RNF216: variants seen among roughly 807,000 people sequenced by gnomAD.
The protein encoded by RNF216 is ring finger protein 216.
In RNF216, 72 loss-of-function variants were observed where a neutral mutation model predicts 110.8. The observed-to-expected ratio is 0.65, with a 90% confidence interval of 0.54 to 0.79. RNF216 has a LOEUF of 0.79. Among genes scored for constraint, RNF216 ranks in the 30% least tolerant of loss-of-function variants. The pLI is 0.00. For synonymous variants in RNF216, 495 were observed against 407.5 expected, an observed-to-expected ratio of 1.21 and a Z score of -2.59; for missense variants, 1,342 against 1,141.2, an observed-to-expected ratio of 1.18 and a Z score of -2.54.
chr7:5,766,345 G>A (rs918003383), intron 1 of RNF216, among the ~76,000 whole-genome samples: 4 of 152,128 alleles, frequency 2.6e-5, no homozygotes, highest in Non-Finnish European at 5.9e-5. Context: ...GATGAGTGAT[G>A]CTCTAAAGTG....
At chr7:5,646,157 A>T (rs946700903) in intron 14 of RNF216, among the ~76,000 whole-genome samples, 1 of 152,192 alleles carries the variant, frequency 6.6e-6, no homozygotes, top group African/African-American at 2.4e-5. Context: ...AGAGTCTAGA[A>T]ATCAGGTTGC....
chr7:5,711,665 C>T (rs1252708817), intron 13 of RNF216, 96 bp downstream of exon 13: 5 of 921,102 alleles, frequency 5.4e-6, no homozygotes, highest in South Asian at 1.5e-5. Flanking sequence ...CCTTCTTATA[C>T]ATCAGCAGTC....
intron 13 of RNF216, among the ~76,000 whole-genome samples, chr7:5,695,109 T>G (rs575681663): frequency 5.3e-4 from 81 of 152,168 alleles, no homozygotes; most frequent in Non-Finnish European, 1.0e-3. Context: ...GCCAAGAAGT[T>G]CAATGACTTC....
chr7:5,698,697 G>A (rs1483619603), intron 13 of RNF216, among the ~76,000 whole-genome samples: 1 of 152,048 alleles, frequency 6.6e-6, no homozygotes, highest in Non-Finnish European at 1.5e-5. Flanking sequence ...CCGGCCTCTT[G>A]GATTCTTCAT....
intron 9 of RNF216, among the ~76,000 whole-genome samples, chr7:5,718,310 G>A (rs981055956): frequency 7.2e-5 from 11 of 152,252 alleles, no homozygotes; most frequent in African/African-American, 2.6e-4. Context: ...GAACCCAGGA[G>A]TCAGACGTTG....
chr7:5,689,613 T>C (rs1244032390), intron 13 of RNF216, among the ~76,000 whole-genome samples: 1 of 152,150 alleles, frequency 6.6e-6, no homozygotes, highest in East Asian at 1.9e-4. Context: ...GGGCTGTAAT[T>C]ACATGATAGA....
At chr7:5,658,904 G>A (rs1178582640) in intron 13 of RNF216, among the ~76,000 whole-genome samples, 1 of 152,126 alleles carries the variant, frequency 6.6e-6, no homozygotes, top group Non-Finnish European at 1.5e-5. Flanking sequence ...AAGCGCCATG[G>A]AGGAGGCCTG....
Position 5,624,706 on chromosome 7 carries a change from C to T in RNF216, c.2383-581G>A, listed in dbSNP as rs980034481. 2.0e-5 allele frequency among the ~76,000 whole-genome samples: 3 copies of T among 152,226 alleles called. No individual in the cohort carries two copies. Among genetic ancestry groups the T allele is most frequent in the East Asian group, 1.9e-4 (1 of 5,190 alleles). On this transcript the variant is annotated intron_variant, in intron 15 of 16. Coordinates refer to ENST00000389902, the MANE Select transcript of RNF216 (RefSeq NM_207111.4). This position sits in a 1 kb window ranked among gnomAD's most constrained non-coding sequence, Gnocchi z 4.4. ...GACCTTGCCGTCTCTTCTCCCAAAC[C>T]CCATGCTTGGTAGGCCTGAAATAAC... is the stretch of plus-strand genomic sequence containing the variant.
intron 2 of RNF216, among the ~76,000 whole-genome samples, chr7:5,753,806 C>T (rs1795458393): frequency 6.6e-6 from 1 of 152,092 alleles, no homozygotes. Context: ...ACCAGCCAGA[C>T]GAACACGGTG....
intron 15 of RNF216, among the ~76,000 whole-genome samples, chr7:5,629,131 A>G (rs1237595883): frequency 6.7e-6 from 1 of 149,670 alleles, no homozygotes; most frequent in Non-Finnish European, 1.5e-5. Flanking sequence ...GCAGGTGGAG[A>G]TTGCAATGAG....
intron 15 of RNF216, among the ~76,000 whole-genome samples, chr7:5,638,953 T>C (rs147879845): frequency 6.6e-6 from 1 of 152,280 alleles, no homozygotes; most frequent in African/African-American, 2.4e-5. Context: ...TCCCTACTTA[T>C]AATTTTTTTA....
intron 8 of RNF216, 142 bp from the exon 9 acceptor site, chr7:5,721,314 T>G (rs1793412346): frequency 1.4e-6 from 1 of 739,096 alleles, no homozygotes; most frequent in Non-Finnish European, 2.2e-6. Flanking sequence ...ATTCTACCAT[T>G]TGGGAAGACT....
intron 15 of RNF216, among the ~76,000 whole-genome samples, chr7:5,638,633 A>ATT (rs34089106): frequency 0.017 from 2,387 of 139,048 alleles, 64 homozygotes; most frequent in African/African-American, 0.055. Context: ...AAAAGCAAGC[A>ATT]TTTTTTTTTT....
rs1204275292 is a variant in RNF216, at chr7:5,621,612, T to C, written c.*1248A>G. 6.6e-6 allele frequency: 1 copy of C among 152,286 alleles called. No individual in the cohort carries two copies. 9.4% of individuals were successfully genotyped at this position (152,286 alleles called of 1,614,324 possible). A position where few individuals can be genotyped will look rare whatever the true frequency, so the allele number is the denominator to read the frequency against. ...ACTGATGCAGCCCCACCCCAATGGT[T>C]GTCGGACTCAGCTGTGTCTGAGGTC... is the stretch of plus-strand genomic sequence containing the variant. On this transcript the variant is annotated 3_prime_UTR_variant, in exon 17 of 17. Transcript: ENST00000389902.
chr7:5,724,226 G>T (rs960174208), intron 8 of RNF216, among the ~76,000 whole-genome samples: 1 of 152,204 alleles, frequency 6.6e-6, no homozygotes, highest in Non-Finnish European at 1.5e-5. Context: ...ACACAGGGAA[G>T]AGGAGAAGGG....
chr7:5,678,121 G>C (rs951549847), intron 13 of RNF216, among the ~76,000 whole-genome samples: 2 of 152,036 alleles, frequency 1.3e-5, no homozygotes, highest in Non-Finnish European at 2.9e-5. Context: ...TGGAGCCAAA[G>C]GGCCCCGGCT....
chr7:5,729,355 GCTGAA>G (rs1793948124), intron 7 of RNF216, 72 bp downstream of exon 7: 3 of 1,438,224 alleles, frequency 2.1e-6, no homozygotes, highest in Non-Finnish European at 2.9e-6. Flanking sequence ...ATTTCCACAA[GCTGAA>G]CTGTTCATTC....
chr7:5,690,232 C>T (rs62453448), intron 13 of RNF216, among the ~76,000 whole-genome samples: 4,090 of 149,068 alleles, frequency 0.027, 74 homozygotes, highest in Admixed American at 0.04. Flanking sequence ...GAGGCTGAGG[C>T]AGGAGAATCT....
intron 13 of RNF216, among the ~76,000 whole-genome samples, chr7:5,656,303 G>T (rs1180527516): frequency 6.6e-6 from 1 of 152,128 alleles, no homozygotes; most frequent in Non-Finnish European, 1.5e-5. Flanking sequence ...TTACAGGTGT[G>T]AGCCACTGCG....
Sources: allele counts gnomAD v4.1 joint callset (sites outside exome capture counted in the v4.1 genomes callset), GRCh38; gene constraint gnomAD v4.1.1; non-coding constraint Gnocchi (gnomAD v3.1); transcripts MANE v1.5; gene names NCBI Gene and HGNC (gene_info 2026-07-23, HGNC 2026-07-21).